CADM1: variants seen among roughly 807,000 people sequenced by gnomAD.
CADM1 encodes the protein TSLC-1.
A neutral mutation model predicts 53.1 loss-of-function variants in CADM1; 15 were observed. That is an observed-to-expected ratio of 0.28 (90% confidence interval 0.19 to 0.44). The LOEUF (loss-of-function observed/expected upper bound fraction) is 0.44. Among genes scored for constraint, CADM1 ranks in the 20% least tolerant of loss-of-function variants. CADM1 has a pLI of 1.00. For synonymous variants in CADM1, 281 were observed against 243.0 expected (o/e 1.16, Z -1.45); for missense variants, 434 against 611.3 (o/e 0.71, Z 3.06).
intron 1 of CADM1, among the ~76,000 whole-genome samples, chr11:115,404,298 C>A (rs1947241966): frequency 8.1e-6 from 1 of 123,164 alleles, no homozygotes; most frequent in African/African-American, 3.2e-5. Flanking sequence ...TCCACTCCAG[C>A]CTGGGCGACA....
chr11:115,333,041 T>C (rs1945173965), intron 1 of CADM1, among the ~76,000 whole-genome samples: 1 of 152,124 alleles, frequency 6.6e-6, no homozygotes, highest in African/African-American at 2.4e-5. Flanking sequence ...TCCAATTGCT[T>C]ACTGGTCTTT....
chr11:115,279,914 A>G (rs1943542682), intron 1 of CADM1, among the ~76,000 whole-genome samples: 1 of 152,182 alleles, frequency 6.6e-6, no homozygotes, highest in Non-Finnish European at 1.5e-5. Context: ...AAATGAAATT[A>G]CGGCAAGCCA....
intron 1 of CADM1, among the ~76,000 whole-genome samples, chr11:115,331,777 T>G (rs1444330327): frequency 2.0e-5 from 3 of 152,090 alleles, no homozygotes; most frequent in Admixed American, 6.6e-5. Flanking sequence ...AATAAAGGTA[T>G]GAAGGACCCA....
intron 1 of CADM1, among the ~76,000 whole-genome samples, chr11:115,381,293 CA>C (rs35733611): frequency 0.39 from 45,123 of 115,600 alleles, 7,549 homozygotes; most frequent in Non-Finnish European, 0.48. Flanking sequence ...GACTCCATCT[CA>C]AAAAAAAAAA....
At chr11:115,220,335 T>G (rs1160094574) in intron 5 of CADM1, among the ~76,000 whole-genome samples, 1 of 152,172 alleles carries the variant, frequency 6.6e-6, no homozygotes, top group African/African-American at 2.4e-5. Context: ...CTTTTTTATG[T>G]TCCTAATGAG....
At chr11:115,321,044 AT>A (rs1248066531) in intron 1 of CADM1, among the ~76,000 whole-genome samples, 5 of 152,148 alleles carry the variant, frequency 3.3e-5, no homozygotes, top group Non-Finnish European at 7.4e-5. Context: ...AATGTATTTC[AT>A]TTTGATGATT....
intron 1 of CADM1, among the ~76,000 whole-genome samples, chr11:115,424,157 G>A (rs1336311085): frequency 6.6e-6 from 1 of 152,222 alleles, no homozygotes; most frequent in Admixed American, 6.5e-5. Context: ...ACCTGGGAAA[G>A]CAATTCTTCA....
chr11:115,355,425 C>A (rs1253830406), intron 1 of CADM1, among the ~76,000 whole-genome samples: 1 of 151,976 alleles, frequency 6.6e-6, no homozygotes, highest in Non-Finnish European at 1.5e-5. Context: ...CACATGGATG[C>A]AACGCAAAAA....
chr11:115,180,396 A>G (rs532823249), intron 10 of CADM1, among the ~76,000 whole-genome samples: 2 of 152,210 alleles, frequency 1.3e-5, no homozygotes, highest in Non-Finnish European at 2.9e-5. Flanking sequence ...CCAGGACAAC[A>G]GGATGATGGG....
chr11:115,196,881 A>G (rs1334616498), intron 9 of CADM1, among the ~76,000 whole-genome samples: 1 of 152,228 alleles, frequency 6.6e-6, no homozygotes, highest in Non-Finnish European at 1.5e-5. Flanking sequence ...GAGGTGCTCA[A>G]TTAATGATGA....
chr11:115,199,657 C>T (rs1940327735), intron 8 of CADM1, among the ~76,000 whole-genome samples: 1 of 152,172 alleles, frequency 6.6e-6, no homozygotes, highest in African/African-American at 2.4e-5. Context: ...AATGTCAACC[C>T]ATCTGGCCAT....
chr11:115,320,724 G>C (rs1404486902), intron 1 of CADM1, among the ~76,000 whole-genome samples: 1 of 151,696 alleles, frequency 6.6e-6, no homozygotes, highest in African/African-American at 2.4e-5. Context: ...ATATAAGTCA[G>C]GTCTCCAAGC....
chr11:115,282,168 T>C (rs1206182798), intron 1 of CADM1, among the ~76,000 whole-genome samples: 1 of 152,230 alleles, frequency 6.6e-6, no homozygotes, highest in Non-Finnish European at 1.5e-5. Flanking sequence ...TGATGTCTTA[T>C]ATGGATTATC....
chr11:115,438,290 T>C (rs1948227717), intron 1 of CADM1, among the ~76,000 whole-genome samples: 1 of 152,138 alleles, frequency 6.6e-6, no homozygotes. Context: ...GGTTTCCAGA[T>C]CTTTTTTTAT....
chr11:115,173,982 A>G lies in CADM1; in HGVS notation c.*2492T>C. On this transcript the variant is annotated 3_prime_UTR_variant, in exon 12 of 12. Coordinates refer to ENST00000331581, the MANE Select transcript of CADM1 (RefSeq NM_001301043.2). ...AGTAATACTCAACAATACATTTCAA[A>G]CAGTGCACTGTATACTTAAGAAAAA... The G allele has an allele frequency of 4.2e-6, 4 of 956,714 alleles. No homozygotes were observed. The highest frequency in any genetic ancestry group is 5.0e-6 in the Non-Finnish European group (4 of 803,744). The allele number at this position is 956,714 out of a possible 1,614,324, so 59.3% of individuals were successfully genotyped here.
intron 1 of CADM1, among the ~76,000 whole-genome samples, chr11:115,342,545 T>C (rs917771215): frequency 1.3e-5 from 2 of 152,130 alleles, no homozygotes; most frequent in Non-Finnish European, 1.5e-5. Flanking sequence ...GTGACAGAAA[T>C]GGCCATATGA....
chr11:115,447,891 G>A (rs1948486968), intron 1 of CADM1, among the ~76,000 whole-genome samples: 1 of 152,152 alleles, frequency 6.6e-6, no homozygotes, highest in African/African-American at 2.4e-5. Flanking sequence ...TCTCAGCTTG[G>A]GAAAGGTGTT....
intron 9 of CADM1, among the ~76,000 whole-genome samples, chr11:115,192,199 C>G (rs1309036794): frequency 6.6e-6 from 1 of 152,184 alleles, no homozygotes; most frequent in Non-Finnish European, 1.5e-5. Flanking sequence ...TATAGAGAAA[C>G]CAAACGAACA....
At chr11:115,383,585 G>C (rs896383999) in intron 1 of CADM1, among the ~76,000 whole-genome samples, 2 of 152,184 alleles carry the variant, frequency 1.3e-5, no homozygotes, top group African/African-American at 4.8e-5. Context: ...GAACCACAGA[G>C]CAATGCCCAC....
Sources: gnomAD v4.1 joint callset for allele counts (sites outside exome capture counted in the v4.1 genomes callset) on GRCh38, gnomAD v4.1.1 for gene constraint, MANE v1.5 for transcripts, NCBI Gene and HGNC (gene_info 2026-07-23, HGNC 2026-07-21) for gene names.